PRDM16: variants seen among roughly 807,000 people sequenced by gnomAD.
PRDM16 encodes the protein PR/SET domain 16.
A neutral mutation model predicts 110.6 loss-of-function variants in PRDM16; 23 were observed. The ratio of observed to expected loss-of-function variants is 0.21; its 90% confidence interval spans 0.15 to 0.29. The LOEUF (loss-of-function observed/expected upper bound fraction) is 0.29, where lower values mean the gene tolerates loss of function less well. PRDM16 is among the 10% of genes least tolerant of loss of function. PRDM16 has a pLI of 1.00. For synonymous variants in PRDM16, 799 were observed against 781.8 expected (o/e 1.02, Z -0.37); for missense variants, 1,615 against 1,794.3 (o/e 0.90, Z 1.81).
intron 1 of PRDM16, among the ~76,000 whole-genome samples, chr1:3,165,586 T>A (rs1283613888): frequency 3.6e-5 from 4 of 109,894 alleles, no homozygotes; most frequent in Non-Finnish European, 3.6e-5. Context: ...GGGACTCACC[T>A]GGGCCCAGGG....
chr1:3,328,123 C>A (rs983642490), intron 3 of PRDM16, among the ~76,000 whole-genome samples: 16 of 152,346 alleles, frequency 1.1e-4, no homozygotes, highest in Admixed American at 3.9e-4. Flanking sequence ...GAGGCCCCTG[C>A]CGGGCCAAGT....
rs1642004963 is a variant in PRDM16 at position 3,080,771 on chromosome 1, C to A, written c.37+11475C>A. Among the ~76,000 whole-genome samples the A allele has an allele frequency of 6.6e-6, 1 of 152,184 alleles. No homozygotes were observed. Among genetic ancestry groups the A allele is most frequent in the Non-Finnish European group, 1.5e-5 (1 of 68,032 alleles). On this transcript the variant is annotated intron_variant, in intron 1 of 16. Transcript: ENST00000270722. This position sits in a 1 kb window ranked among gnomAD's most constrained non-coding sequence, Gnocchi z 5.2. ...AACATGTTGGGCGGTTTCTTCCGGG[C>A]CGGGGAAATCTGAGCAGCCACAGGC...
At chr1:3,163,795 G>A (rs1021690565) in intron 1 of PRDM16, among the ~76,000 whole-genome samples, 8 of 152,314 alleles carry the variant, frequency 5.3e-5, no homozygotes, top group South Asian at 4.1e-4. Context: ...GTCCAGAGCC[G>A]TGTTTTATCA....
At chr1:3,230,608 A>G (rs2817156) in intron 2 of PRDM16, among the ~76,000 whole-genome samples, 53,630 of 152,204 alleles carry the variant, frequency 0.35, 13,533 homozygotes, top group African/African-American at 0.69. Context: ...GCCGTTTCAG[A>G]CTGCTTCCCA....
Position 3,103,009 on chromosome 1 carries a change from G to A in PRDM16, c.37+33713G>A, listed in dbSNP as rs186236228. Reference sequence around the variant, plus strand: ...AAGATGTGATCCTGTGTGCACAGAGGCGTTCACAGGAACTCAGGTTCCTCC... The same window carrying A: ...AAGATGTGATCCTGTGTGCACAGAGACGTTCACAGGAACTCAGGTTCCTCC... On this transcript the variant is annotated intron_variant, in intron 1 of 16. Coordinates refer to ENST00000270722, the MANE Select transcript of PRDM16 (RefSeq NM_022114.4). Among the ~76,000 whole-genome samples the A allele has an allele frequency of 4.4e-3, 664 of 152,306 alleles. 17 individuals are homozygous for A. Among genetic ancestry groups the A allele is most frequent in the Non-Finnish European group, 1.1e-3 (77 of 68,024 alleles).
Position 3,143,477 on chromosome 1 carries a change from T to G in PRDM16, c.38-42648T>G, listed in dbSNP as rs535279771. Among the ~76,000 whole-genome samples, 2 of 152,256 alleles carry G rather than the reference T, an allele frequency of 1.3e-5. No individual in the cohort carries two copies. Among genetic ancestry groups the G allele is most frequent in the East Asian group, 3.9e-4 (2 of 5,174 alleles). Reference sequence around the variant, plus strand: ...GACATTTGAAACTTTATTATTAGTATTATTATTATCATTTTTGTGAGATGG... The same window carrying G: ...GACATTTGAAACTTTATTATTAGTAGTATTATTATCATTTTTGTGAGATGG... On this transcript the variant is annotated intron_variant, in intron 1 of 16. Coordinates refer to ENST00000270722, the MANE Select transcript of PRDM16 (RefSeq NM_022114.4). This position sits in a 1 kb window ranked among gnomAD's most constrained non-coding sequence, Gnocchi z 4.5.
intron 1 of PRDM16, among the ~76,000 whole-genome samples, chr1:3,109,368 C>T (rs558072500): frequency 6.6e-6 from 1 of 152,248 alleles, no homozygotes; most frequent in South Asian, 2.1e-4. Context: ...GGGGCAGCAC[C>T]ATCCTGGGGA....
intron 2 of PRDM16, among the ~76,000 whole-genome samples, chr1:3,232,743 C>G (rs539247841): frequency 6.6e-6 from 1 of 152,142 alleles, no homozygotes; most frequent in African/African-American, 2.4e-5. Context: ...ATATTCTGCT[C>G]GGATATGGAT....
intron 3 of PRDM16, among the ~76,000 whole-genome samples, chr1:3,351,988 C>T (rs1283931386): frequency 6.6e-6 from 1 of 151,944 alleles, no homozygotes; most frequent in Non-Finnish European, 1.5e-5. Flanking sequence ...CCCTAAGGAC[C>T]TCCCCAAAGA....
At chr1:3,250,652 G>A (rs900585472) in intron 3 of PRDM16, among the ~76,000 whole-genome samples, 2 of 152,214 alleles carry the variant, frequency 1.3e-5, no homozygotes, top group African/African-American at 4.8e-5. Context: ...GCGTGTCTGA[G>A]GTGGCTTCCT....
chr1:3,266,120 C>T (rs1569955400), intron 3 of PRDM16, among the ~76,000 whole-genome samples: 1 of 152,360 alleles, frequency 6.6e-6, no homozygotes, highest in Non-Finnish European at 1.5e-5. Context: ...TATTTAATAA[C>T]TATTTTCTTC....
In PRDM16 at chr1:3,175,941, C is replaced by T. The variant is rs1557503382; in HGVS notation, c.38-10184C>T. Among the ~76,000 whole-genome samples, 2 of 151,968 alleles carry T rather than the reference C, an allele frequency of 1.3e-5. No individual in the cohort carries two copies. Among genetic ancestry groups the T allele is most frequent in the Admixed American group, 6.6e-5 (1 of 15,254 alleles). ...GTTGGAAACTGCCCTGGAGGTTGCC[C>T]TTACCCCATCCATCCATCCACTCAC... On this transcript the variant is annotated intron_variant, in intron 1 of 16. Coordinates refer to ENST00000270722, the MANE Select transcript of PRDM16 (RefSeq NM_022114.4). This position sits in a 1 kb window ranked among gnomAD's most constrained non-coding sequence, Gnocchi z 4.8.
intron 8 of PRDM16, among the ~76,000 whole-genome samples, chr1:3,409,915 G>T (rs1211886292): frequency 6.7e-5 from 5 of 74,200 alleles, no homozygotes; most frequent in African/African-American, 3.1e-4. Flanking sequence ...TGTGGGTGTG[G>T]TGTGTGTGTA....
In PRDM16 at chr1:3,094,905, C is replaced by T. The variant is rs188317413; in HGVS notation, c.37+25609C>T. 3.9e-5 allele frequency among the ~76,000 whole-genome samples: 6 copies of T among 152,294 alleles called. No individual in the cohort carries two copies. In the South Asian group the frequency reaches 6.2e-4, roughly 16 times the overall value. On this transcript the variant is annotated intron_variant, in intron 1 of 16. Transcript: ENST00000270722. The stretch of plus-strand genomic sequence containing the variant: ...GTGTGTCTTCCTTCCTGGTCTTTTC[C>T]GACGTGGATGGAGCCACACAGCCCG...
intron 3 of PRDM16, among the ~76,000 whole-genome samples, chr1:3,277,832 C>T (rs1281707753): frequency 6.6e-6 from 1 of 152,086 alleles, no homozygotes; most frequent in Non-Finnish European, 1.5e-5. Flanking sequence ...TGCACATGCA[C>T]ACACGTGCAC....
At chr1:3,420,503 CAT>C (rs1638397877) in intron 12 of PRDM16, among the ~76,000 whole-genome samples, 1 of 152,228 alleles carries the variant, frequency 6.6e-6, no homozygotes, top group Non-Finnish European at 1.5e-5. Context: ...GCAGGCTTCT[CAT>C]GGGTTGCCTG....
intron 8 of PRDM16, among the ~76,000 whole-genome samples, chr1:3,410,465 G>T (rs1460921262): frequency 6.6e-6 from 1 of 152,158 alleles, no homozygotes; most frequent in Non-Finnish European, 1.5e-5. Flanking sequence ...TAGGGCTCCT[G>T]CCCGGGGTGA....
chr1:3,202,352 G>A (rs1638649330), intron 2 of PRDM16, among the ~76,000 whole-genome samples: 2 of 151,058 alleles, frequency 1.3e-5, no homozygotes, highest in African/African-American at 4.9e-5. Flanking sequence ...GGAGTCTGGG[G>A]GAGGCTGGGG....
At chr1:3,204,327 G>T (rs999726734) in intron 2 of PRDM16, among the ~76,000 whole-genome samples, 2 of 152,090 alleles carry the variant, frequency 1.3e-5, no homozygotes, top group African/African-American at 4.8e-5. Context: ...CCTGCTCCCC[G>T]CAGGGCTCCT....
Sources: gnomAD v4.1 joint callset for allele counts (sites outside exome capture counted in the v4.1 genomes callset) on GRCh38, gnomAD v4.1.1 for gene constraint, Gnocchi (gnomAD v3.1) non-coding constraint, MANE v1.5 for transcripts, NCBI Gene and HGNC (gene_info 2026-07-23, HGNC 2026-07-21) for gene names.